Variants in DCC observed in about 807,000 individuals in gnomAD.
DCC encodes DCC netrin 1 receptor.
In DCC, 58 loss-of-function variants were observed where a neutral mutation model predicts 172.5. The ratio of observed to expected loss-of-function variants is 0.34; its 90% CI spans 0.27 to 0.42. The LOEUF (loss-of-function observed/expected upper bound fraction) is 0.42. Ranked by LOEUF, DCC falls within the 10% of genes least tolerant of loss-of-function variation. The pLI, the probability that DCC is intolerant of heterozygous loss-of-function variation, is 1.00. For missense variants in DCC, 1,740 were observed against 1,791.0 expected, an observed-to-expected ratio of 0.97 and a Z score of 0.51; for synonymous variants, 709 against 644.5, an observed-to-expected ratio of 1.10 and a Z score of -1.52.
At chr18:53,075,996 A>G (rs1032785202) in intron 7 of DCC, among the ~76,000 whole-genome samples, 1 of 152,162 alleles carries the variant, frequency 6.6e-6, no homozygotes, top group Non-Finnish European at 1.5e-5. Flanking sequence ...ATGCTGTACT[A>G]GCCAATACAT....
chr18:52,461,087 T>C (rs1378599751), intron 1 of DCC, among the ~76,000 whole-genome samples: 1 of 152,242 alleles, frequency 6.6e-6, no homozygotes, highest in African/African-American at 2.4e-5. Flanking sequence ...AAACACATTG[T>C]ACAAAAATAT....
chr18:52,772,168 A>T (rs1369258320), intron 2 of DCC, among the ~76,000 whole-genome samples: 1 of 152,210 alleles, frequency 6.6e-6, no homozygotes, highest in Non-Finnish European at 1.5e-5. Context: ...TGTCATGACA[A>T]ACACTTAGGT....
At chr18:53,389,457 A>G (rs933187961) in intron 16 of DCC, among the ~76,000 whole-genome samples, 2 of 152,178 alleles carry the variant, frequency 1.3e-5, no homozygotes, top group Admixed American at 6.5e-5. Context: ...ATCAGACACT[A>G]GGTTTTTATA....
rs531388351 is a variant in DCC, at chr18:52,399,935, A to G, written c.91+59057A>G. Among the ~76,000 whole-genome samples the G allele has an allele frequency of 2.0e-4, 30 of 152,042 alleles. 1 individual carries two copies. The highest frequency in any genetic ancestry group is 3.8e-4 in the Non-Finnish European group (26 of 67,954). ...GAATGAATTTATCAAATAAATGAGT[A>G]GATGAATGCCTACCTCAAAAGTAAC... On this transcript the variant is annotated intron_variant, in intron 1 of 28. Coordinates refer to ENST00000442544, the MANE Select transcript of DCC (RefSeq NM_005215.4).
intron 7 of DCC, among the ~76,000 whole-genome samples, chr18:53,126,492 C>A (rs763349126): frequency 1.1e-4 from 16 of 151,960 alleles, no homozygotes; most frequent in Non-Finnish European, 1.6e-4. Context: ...TCGCTAGGAG[C>A]AGTTAGTATT....
intron 13 of DCC, among the ~76,000 whole-genome samples, chr18:53,307,043 T>G (rs1182239660): frequency 2.0e-5 from 3 of 152,160 alleles, no homozygotes; most frequent in African/African-American, 7.2e-5. Flanking sequence ...CTCACACACA[T>G]TATAAGCTTC....
intron 5 of DCC, among the ~76,000 whole-genome samples, chr18:52,929,990 T>A (rs1271215850): frequency 6.6e-6 from 1 of 152,054 alleles, no homozygotes; most frequent in Non-Finnish European, 1.5e-5. Context: ...CAGTTCTAAT[T>A]TTTTTTTCTT....
intron 5 of DCC, among the ~76,000 whole-genome samples, chr18:53,002,588 C>T (rs1299344962): frequency 6.6e-6 from 1 of 152,104 alleles, no homozygotes; most frequent in Non-Finnish European, 1.5e-5. Context: ...TTAAACACCA[C>T]AACTCTGTGC....
At chr18:53,020,039 G>A (rs2041857814) in intron 5 of DCC, among the ~76,000 whole-genome samples, 1 of 152,090 alleles carries the variant, frequency 6.6e-6, no homozygotes, top group African/African-American at 2.4e-5. Flanking sequence ...GGGAAATGAT[G>A]GACACTGTGG....
intron 5 of DCC, among the ~76,000 whole-genome samples, chr18:52,929,530 A>G (rs2040271065): frequency 6.6e-6 from 1 of 152,142 alleles, no homozygotes. Context: ...GAAGAAAGGA[A>G]TACAAGCTGT....
At chr18:53,172,115 AT>A (rs1568345093) in intron 8 of DCC, among the ~76,000 whole-genome samples, 1 of 152,168 alleles carries the variant, frequency 6.6e-6, no homozygotes, top group Non-Finnish European at 1.5e-5. Flanking sequence ...TATGGTGCAT[AT>A]ACACCATGGA....
At chr18:53,384,709 CAT>C (rs1477788892) in intron 15 of DCC, among the ~76,000 whole-genome samples, 1 of 152,054 alleles carries the variant, frequency 6.6e-6, no homozygotes, top group African/African-American at 2.4e-5. Context: ...ATTTTGAAAT[CAT>C]AAATTGCAGT....
At chr18:53,412,200 G>T (rs576839271) in intron 20 of DCC, among the ~76,000 whole-genome samples, 3 of 152,188 alleles carry the variant, frequency 2.0e-5, no homozygotes, top group South Asian at 4.1e-4. Context: ...TGACATAATG[G>T]TTCAAAGAGT....
chr18:53,404,108 G>T (rs530425097), intron 19 of DCC, among the ~76,000 whole-genome samples: 92 of 151,736 alleles, frequency 6.1e-4, no homozygotes, highest in Non-Finnish European at 1.1e-3. Context: ...TCTTTTCATT[G>T]GTTCTATGTC....
intron 15 of DCC, among the ~76,000 whole-genome samples, chr18:53,377,591 T>C (rs1013779441): frequency 2.6e-5 from 4 of 152,148 alleles, no homozygotes; most frequent in African/African-American, 9.7e-5. Context: ...AAACAAACCA[T>C]AGCAATCACC....
chr18:53,157,287 T>C, intron 7 of DCC, 69 bp from the exon 8 acceptor site: 1 of 1,602,778 alleles, frequency 6.2e-7, no homozygotes, highest in Non-Finnish European at 8.5e-7. Flanking sequence ...ATAGGTTGGC[T>C]CTGCCTTCCT....
At chr18:53,160,190 C>T (rs564713048) in intron 8 of DCC, among the ~76,000 whole-genome samples, 3 of 152,134 alleles carry the variant, frequency 2.0e-5, no homozygotes, top group Non-Finnish European at 2.9e-5. Flanking sequence ...ATCCTCTATA[C>T]CCCCTTGGCT....
rs73461541 is a variant in DCC at position 53,190,233 on chromosome 18, T to C, written c.1573+11117T>C. Reference sequence around the variant, plus strand: ...GAGCCGACATGTCTGGCCAGGACTCTGATTTTTAACACCTGTGGCCTGAAA... The same window carrying C: ...GAGCCGACATGTCTGGCCAGGACTCCGATTTTTAACACCTGTGGCCTGAAA... On this transcript the variant is annotated intron_variant, in intron 9 of 28. Transcript: ENST00000442544. Among the ~76,000 whole-genome samples the C allele has an allele frequency of 1.5e-3, 226 of 152,330 alleles. 2 individuals carry two copies. Among genetic ancestry groups the C allele is most frequent in the African/African-American group, 5.3e-3 (222 of 41,562 alleles).
chr18:53,154,075 T>C (rs2054688840), intron 7 of DCC, among the ~76,000 whole-genome samples: 1 of 152,110 alleles, frequency 6.6e-6, no homozygotes, highest in African/African-American at 2.4e-5. Context: ...ACTAGGCCAT[T>C]GTTTAGGAAA....
Sources: allele counts gnomAD v4.1 joint callset (sites outside exome capture counted in the v4.1 genomes callset), GRCh38; gene constraint gnomAD v4.1.1; transcripts MANE v1.5; gene names NCBI Gene and HGNC (gene_info 2026-07-23, HGNC 2026-07-21).